The following EPPK1 variants were observed in gnomAD, a reference collection of about 807,000 sequenced individuals.
EPPK1 encodes epiplakin.
For synonymous variants in EPPK1, 1,862 were observed against 1,721.2 expected (o/e 1.08, Z -2.03); for missense variants, 3,823 against 3,673.3 (o/e 1.04, Z -1.05).
chr8:143,868,628 C>A lies in EPPK1; in HGVS notation c.4626G>T (p.Lys1542Asn), dbSNP rs142520085. The change falls in exon 2 of 2, where the codon AAG becomes AAT. Residue 1542 changes from lysine (K) to asparagine (N), a missense_variant. Lys to Asn is a moderately conservative substitution (Grantham distance 94). Transcript: ENST00000615648. ...DLFRAQLISRKTLDELSQGTT... is the reference protein window; with the variant it reads ...DLFRAQLISRNTLDELSQGTT... ...TCCCCTGGCTCAGCTCGTCCAGCGT[C>A]TTCCTGCTGATCAGCTGCGCCCTGA... 9,181 of 1,596,678 alleles carry A rather than the reference C, an allele frequency of 5.8e-3. 43 individuals are homozygous for A. The highest frequency in any genetic ancestry group is 0.01 in the Middle Eastern group (63 of 6,050).
chr8:143,875,819 T>C (rs1247049519), intron 1 of EPPK1, among the ~76,000 whole-genome samples: 1 of 152,192 alleles, frequency 6.6e-6, no homozygotes, highest in Non-Finnish European at 1.5e-5. Flanking sequence ...CAGTGACGCC[T>C]TGCAGGCTAG....
chr8:143,873,166 G>A lies in EPPK1; in HGVS notation c.88C>T (p.Leu30=), dbSNP rs547847371. 1.2e-5 allele frequency: 19 copies of A among 1,594,054 alleles called. No individual in the cohort carries two copies. The highest frequency in any genetic ancestry group is 1.7e-4 in the Middle Eastern group (1 of 5,996). Residue 30 remains leucine (L), a synonymous_variant, in exon 2 of 2, where the codon CTG becomes TTG. Coordinates refer to ENST00000615648, the MANE Select transcript of EPPK1 (RefSeq NM_031308.4). ...ASVPRAMAAT[L]GAGTPPRPQA... ...GGCCTGGGGGGCGTGCCGGCTCCCA[G>A]CGTGGCTGCCATGGCTCTGGGTACA... is the stretch of plus-strand genomic sequence containing the variant.
chr8:143,868,652 G>C lies in EPPK1; in HGVS notation c.4602C>G (p.Phe1534Leu). The C allele has an allele frequency of 6.3e-7, 1 of 1,588,706 alleles. No homozygotes were observed. The highest frequency in any genetic ancestry group is 2.3e-5 in the East Asian group (1 of 43,456). The change falls in exon 2 of 2, where the codon TTC becomes TTG. Residue 1534 changes from phenylalanine (F) to leucine (L), a missense_variant. Transcript: ENST00000615648. ...TCTTCCTGCTGATCAGCTGCGCCCT[G>C]AACAGGTCCCTGGCTGACACCTGCT... ...LRKQVSARDLFRAQLISRKTL... is the reference protein window; with the variant it reads ...LRKQVSARDLLRAQLISRKTL...
rs782545577 is a variant in EPPK1 at position 143,871,928 on chromosome 8, C to T, written c.1326G>A (p.Thr442=). Residue 442 remains threonine (T), a synonymous_variant, in exon 2 of 2, where the codon ACG becomes ACA. Transcript: ENST00000615648. ...LSQAGSFSDG[T]HGGLRYEQLL... is the part of the protein sequence containing the mutation. ...GCTGTTCATAGCGCAGGCCGCCGTG[C>T]GTGCCGTCTGAGAAGCTGCCAGCCT... 17 of 1,603,652 alleles carry T rather than the reference C, an allele frequency of 1.1e-5. No homozygotes were observed. In the South Asian group the frequency reaches 1.4e-4, roughly 13 times the overall value.
chr8:143,878,261 C>T (rs1421782830), intron 1 of EPPK1, among the ~76,000 whole-genome samples, 177 bp downstream of exon 1: 2 of 151,706 alleles, frequency 1.3e-5, no homozygotes, highest in Admixed American at 6.6e-5. Flanking sequence ...CAAGACCCCG[C>T]TGGCCGCCGC....
chr8:143,871,872 G>C lies in EPPK1; in HGVS notation c.1382C>G (p.Thr461Ser). The change falls in exon 2 of 2, where the codon ACC (threonine) becomes AGC (serine). Residue 461 changes from threonine (T) to serine (S), a missense_variant. Coordinates refer to ENST00000615648, the MANE Select transcript of EPPK1 (RefSeq NM_031308.4). ...LLALCVTDPE[T>S]GLAFLPLSGG... ...TGAGAGTGGCAGGAAGGCAAGCCCGGTCTCTGGGTCGGTGACACAGAGGGC... is the reference window on the plus strand; with the variant it reads ...TGAGAGTGGCAGGAAGGCAAGCCCGCTCTCTGGGTCGGTGACACAGAGGGC... The C allele has an allele frequency of 1.2e-6, 2 of 1,610,602 alleles. No individual in the cohort carries two copies. The highest frequency in any genetic ancestry group is 8.5e-7 in the Non-Finnish European group (1 of 1,179,770).
At chr8:143,874,742 G>A (rs375393660) in intron 1 of EPPK1, among the ~76,000 whole-genome samples, 8 of 151,778 alleles carry the variant, frequency 5.3e-5, no homozygotes, top group African/African-American at 1.7e-4. Context: ...TCAGCACTAC[G>A]GGCCCCAGTC....
At position 143,868,076 on chromosome 8, in the gene EPPK1, C is replaced by A. The variant is rs1173317936; in HGVS notation, c.5178G>T (p.Lys1726Asn). 1 of 1,613,566 alleles carries A rather than the reference C, an allele frequency of 6.2e-7. No individual in the cohort carries two copies. Among genetic ancestry groups the A allele is most frequent in the Non-Finnish European group, 8.5e-7 (1 of 1,180,024 alleles). The change falls in exon 2 of 2, where the codon AAG becomes AAT. Residue 1726 changes from lysine (K) to asparagine (N), a missense_variant. Coordinates refer to ENST00000615648, the MANE Select transcript of EPPK1 (RefSeq NM_031308.4). ...RILADPSDDT[K>N]GFFDPNTHEN... ...CGTGCGTGTTGGGGTCGAAGAAGCC[C>A]TTGGTGTCGTCGCTGGGGTCCGCCA...
rs375302155 is a variant in EPPK1 at position 143,867,640 on chromosome 8, T to G, written c.5614A>C (p.Thr1872Pro). 1.8e-5 allele frequency: 29 copies of G among 1,613,380 alleles called. No homozygotes were observed. In the African/African-American group the frequency reaches 3.6e-4, roughly 20 times the overall value. ...SRVIDQKTLHTLRVGRTGGQA... is the reference protein window; with the variant it reads ...SRVIDQKTLHPLRVGRTGGQA... ...CCCCCAGTCCTCCCCACACGAAGTG[T>G]GTGCAGGGTCTTCTGATCGATGACC... Residue 1872 changes from threonine to proline, a missense_variant, in exon 2 of 2, where the codon ACA becomes CCA. By Grantham distance (38) the Thr-to-Pro change is conservative (BLOSUM62 -1). Transcript: ENST00000615648.
At position 143,870,906 on chromosome 8, in the gene EPPK1, TC is replaced by T; in HGVS notation, c.2347del (p.Glu783SerfsTer39). The T allele has an allele frequency of 6.2e-7, 1 of 1,613,186 alleles. No individual in the cohort carries two copies. ...HENLTYLQLL[E>X]RCVRDPETGL... Reference sequence around the variant, plus strand: ...CGTCTCGGGGTCACGCACACAGCGCTCCAGAAGCTGCAGGTACGTGAGGTTC... The same window carrying T: ...CGTCTCGGGGTCACGCACACAGCGCTCAGAAGCTGCAGGTACGTGAGGTTC... On this transcript the variant is annotated frameshift_variant, in exon 2 of 2. Coordinates refer to ENST00000615648, the MANE Select transcript of EPPK1 (RefSeq NM_031308.4). LOFTEE classifies it low-confidence loss of function (END_TRUNC). This position sits in a 1 kb window ranked among gnomAD's most constrained non-coding sequence, Gnocchi z 5.2.
chr8:143,857,775 G>GA lies in EPPK1; in HGVS notation c.*211dup, dbSNP rs1818920945. The stretch of plus-strand genomic sequence containing the variant: ...AACCATATGACACATAGACGACCCA[G>GA]AAAACACACCAAAAAACTTATGAAA... On this transcript the variant is annotated 3_prime_UTR_variant, in exon 2 of 2. Coordinates refer to ENST00000615648, the MANE Select transcript of EPPK1 (RefSeq NM_031308.4). 1 of 488,736 alleles carries GA rather than the reference G, an allele frequency of 2.0e-6. No homozygotes were observed. Among genetic ancestry groups the GA allele is most frequent in the Non-Finnish European group, 3.5e-6 (1 of 284,844 alleles). The allele number at this position is 488,736 out of a possible 1,614,324, so 30.3% of individuals were successfully genotyped here.
Position 143,871,198 on chromosome 8 carries a change from G to T in EPPK1, c.2056C>A (p.Arg686Ser), listed in dbSNP as rs376915151. Residue 686 changes from arginine (R) to serine (S), a missense_variant, in exon 2 of 2, where the codon CGC (arginine) becomes AGC (serine). Coordinates refer to ENST00000615648, the MANE Select transcript of EPPK1 (RefSeq NM_031308.4). ...DVFAKLLSAE[R>S]AVTGYTDPYT... ...GGGTCAGTGTAGCCAGTGACAGCGC[G>T]CTCAGCCGACAGCAGCTTCGCGAAC... The T allele has an allele frequency of 6.2e-7, 1 of 1,613,136 alleles. No individual in the cohort carries two copies. Among genetic ancestry groups the T allele is most frequent in the Non-Finnish European group, 8.5e-7 (1 of 1,180,018 alleles).
rs782344284 is a variant in EPPK1, at chr8:143,872,176, C to G, written c.1078G>C (p.Glu360Gln). ...TCGTGGTGCCCTGTCACGGCCTGCT[C>G]GGCCACCAGGAGCTGCTCATGGAGC... ...PELHEQLLVA[E>Q]QAVTGHHDPF... Residue 360 changes from glutamate to glutamine, a missense_variant, in exon 2 of 2, where the codon GAG (glutamate) becomes CAG (glutamine). Physicochemically the swap from Glu to Gln is conservative, Grantham distance 29. Coordinates refer to ENST00000615648, the MANE Select transcript of EPPK1 (RefSeq NM_031308.4). The G allele has an allele frequency of 1.7e-5, 27 of 1,592,528 alleles. No homozygotes were observed. In the South Asian group the frequency reaches 2.8e-4, roughly 17 times the overall value.
Position 143,871,627 on chromosome 8 carries a change from C to T in EPPK1, c.1627G>A (p.Ala543Thr), listed in dbSNP as rs782295029. Residue 543 changes from alanine (A) to threonine (T), a missense_variant, in exon 2 of 2, where the codon GCT becomes ACT. Physicochemically the swap from Ala to Thr is moderately conservative, Grantham distance 58. Coordinates refer to ENST00000615648, the MANE Select transcript of EPPK1 (RefSeq NM_031308.4). Reference sequence around the variant, plus strand: ...TGCTCGAGGGTGGCGCTCAGCTTAGCGGCCAGCTTCTCCACGGAGAGGGTC... The same window carrying T: ...TGCTCGAGGGTGGCGCTCAGCTTAGTGGCCAGCTTCTCCACGGAGAGGGTC... ...EGTLSVEKLA[A>T]KLSATLEQAA... 1.3e-5 allele frequency: 21 copies of T among 1,604,042 alleles called. No individual in the cohort carries two copies. Among genetic ancestry groups the T allele is most frequent in the South Asian group, 1.0e-4 (9 of 89,802 alleles).
chr8:143,867,514 G>A lies in EPPK1; in HGVS notation c.5740C>T (p.His1914Tyr). ...VPSTREVMSL[H>Y]EASRKELIPA... ...ATGAGCTCCTTCCTGCTGGCCTCAT[G>A]GAGGCTCATGACCTCCCTGGTGGAG... is the stretch of plus-strand genomic sequence containing the variant. The change falls in exon 2 of 2, where the codon CAT (histidine) becomes TAT (tyrosine). Residue 1914 changes from histidine to tyrosine, a missense_variant. Physicochemically the swap from His to Tyr is moderately conservative, Grantham distance 83. Coordinates refer to ENST00000615648, the MANE Select transcript of EPPK1 (RefSeq NM_031308.4). 1.2e-6 allele frequency: 2 copies of A among 1,612,636 alleles called. No homozygotes were observed. Among genetic ancestry groups the A allele is most frequent in the Non-Finnish European group, 1.7e-6 (2 of 1,179,818 alleles).
At chr8:143,875,502 T>C (rs535506726) in intron 1 of EPPK1, among the ~76,000 whole-genome samples, 22 of 152,314 alleles carry the variant, frequency 1.4e-4, no homozygotes, top group Admixed American at 2.0e-4. Flanking sequence ...GGAAGCAGCA[T>C]TGCAGCTCAG....
rs1354577761 is a variant in EPPK1, at chr8:143,870,541, G to C, written c.2713C>G (p.Gln905Glu). 1 of 1,611,470 alleles carries C rather than the reference G, an allele frequency of 6.2e-7. No homozygotes were observed. Among genetic ancestry groups the C allele is most frequent in the African/African-American group, 1.3e-5 (1 of 75,038 alleles). The part of the protein sequence containing the change: ...AGIIDQQLLD[Q>E]VLAGTISPEA... ...GGGCTGATTGTCCCGGCCAGCACTT[G>C]GTCCAACAGCTGCTGGTCAATGATA... The change falls in exon 2 of 2, where the codon CAA becomes GAA. Residue 905 changes from glutamine (Q) to glutamate (E), a missense_variant. Coordinates refer to ENST00000615648, the MANE Select transcript of EPPK1 (RefSeq NM_031308.4). The surrounding 1 kb of genome is among the most constrained non-coding windows in gnomAD (Gnocchi z 5.2).
rs1819025767 is a variant in EPPK1, at chr8:143,863,122, T to TG, written c.10131dup (p.Thr3378HisfsTer330). The TG allele has an allele frequency of 1.5e-3, 149 of 100,858 alleles. No homozygotes were observed. The highest frequency in any genetic ancestry group is 7.3e-3 in the South Asian group (36 of 4,952). The allele number at this position is 100,858 out of a possible 1,614,324, so 6.2% of individuals were successfully genotyped here. A position where few individuals can be genotyped will look rare whatever the true frequency, so the allele number is the denominator to read the frequency against. ...ATCTGCTGCCCGGTGTAGGGGTCGG[T>TG]GTAGCCGGTGACGGCGCGCTCGGCC... is the stretch of plus-strand genomic sequence containing the variant. On this transcript the variant is annotated frameshift_variant, in exon 2 of 2. Transcript: ENST00000615648. LOFTEE classifies it low-confidence loss of function (END_TRUNC).
Position 143,876,481 on chromosome 8 carries a change from G to T in EPPK1, c.-46+1957C>A, listed in dbSNP as rs533207710. Among the ~76,000 whole-genome samples the T allele has an allele frequency of 1.1e-4, 17 of 152,294 alleles. No homozygotes were observed. The East Asian group carries it at 3.3e-3, about 29-fold the overall frequency. On this transcript the variant is annotated intron_variant, in intron 1 of 1. Transcript: ENST00000615648. ...GGCTGTCCAGATCTGCTTCTGGGGGGTACATGAGACGGCAGGACAGGCCAG... is the reference window on the plus strand; with the variant it reads ...GGCTGTCCAGATCTGCTTCTGGGGGTTACATGAGACGGCAGGACAGGCCAG...
Sources: gnomAD v4.1 joint callset for allele counts (sites outside exome capture counted in the v4.1 genomes callset) on GRCh38, gnomAD v4.1.1 for gene constraint, Gnocchi (gnomAD v3.1) non-coding constraint, MANE v1.5 for transcripts, NCBI Gene and HGNC (gene_info 2026-07-23, HGNC 2026-07-21) for gene names.